The following FAM83B variants were observed in gnomAD, a reference collection of about 807,000 sequenced individuals.
FAM83B encodes the protein scaffolding CK1 anchoring protein B, also known as protein FAM83B.
FAM83B carries 26 observed loss-of-function variants against 38.8 expected under a neutral mutation model. The observed-to-expected ratio is 0.67, with a 90% confidence interval of 0.49 to 0.93. The LOEUF (loss-of-function observed/expected upper bound fraction) is 0.93, where lower values mean the gene tolerates loss of function less well. Ranked by LOEUF, FAM83B falls within the 40% of genes least tolerant of loss-of-function variation. FAM83B has a pLI of 0.00. For synonymous variants in FAM83B, 419 were observed against 423.1 expected (o/e 0.99, Z 0.12); for missense variants, 1,237 against 1,197.3 (o/e 1.03, Z -0.49).
chr6:54,916,612 G>T (rs566256396), intron 2 of FAM83B, among the ~76,000 whole-genome samples: 1 of 152,170 alleles, frequency 6.6e-6, no homozygotes, highest in South Asian at 2.1e-4. Flanking sequence ...TATATTTGAA[G>T]GCTATAAAAT....
At chr6:54,847,647 G>T (rs559636217) in intron 1 of FAM83B, among the ~76,000 whole-genome samples, 1 of 152,218 alleles carries the variant, frequency 6.6e-6, no homozygotes, top group East Asian at 1.9e-4. Flanking sequence ...CCTGTGTAAG[G>T]TTAATGGACA....
At chr6:54,913,660 A>G (rs1044700603) in intron 2 of FAM83B, among the ~76,000 whole-genome samples, 4 of 152,106 alleles carry the variant, frequency 2.6e-5, no homozygotes, top group Non-Finnish European at 5.9e-5. Context: ...AATAGAAAAA[A>G]AAACCATGAG....
intron 2 of FAM83B, among the ~76,000 whole-genome samples, chr6:54,883,792 T>A (rs1051578685): frequency 6.6e-6 from 1 of 152,168 alleles, no homozygotes; most frequent in Admixed American, 6.5e-5. Flanking sequence ...ACAGGAGTTC[T>A]TAATTTATAG....
intron 2 of FAM83B, among the ~76,000 whole-genome samples, chr6:54,897,474 A>AT (rs1362408589): frequency 1.3e-5 from 2 of 151,662 alleles, no homozygotes; most frequent in Middle Eastern, 3.4e-3. Context: ...AGGCCCTAAA[A>AT]TTTTTTTTTA....
chr6:54,883,332 G>GTTTTT (rs36040247), intron 2 of FAM83B, among the ~76,000 whole-genome samples: 2 of 90,480 alleles, frequency 2.2e-5, no homozygotes, highest in Non-Finnish European at 4.0e-5. Flanking sequence ...TTTTTTTTAA[G>GTTTTT]TTTTTTTTTT....
chr6:54,863,531 A>T (rs1382786992), intron 1 of FAM83B, among the ~76,000 whole-genome samples: 2 of 70,774 alleles, frequency 2.8e-5, no homozygotes, highest in South Asian at 8.8e-4. Flanking sequence ...CCATCTTACC[A>T]ACTATGCCGC....
intron 2 of FAM83B, among the ~76,000 whole-genome samples, chr6:54,926,142 A>T (rs1336593582): frequency 1.3e-5 from 2 of 152,170 alleles, no homozygotes; most frequent in East Asian, 3.8e-4. Flanking sequence ...ATTTCCTTTA[A>T]ATTAAAGCTA....
intron 4 of FAM83B, 131 bp from the exon 5 acceptor site, chr6:54,939,575 G>C: frequency 1.2e-6 from 1 of 863,232 alleles, no homozygotes; most frequent in Non-Finnish European, 1.7e-6. Flanking sequence ...TGTAATGACG[G>C]AAAATATTCT....
At chr6:54,910,632 T>A (rs554490128) in intron 2 of FAM83B, among the ~76,000 whole-genome samples, 1 of 152,352 alleles carries the variant, frequency 6.6e-6, no homozygotes, top group South Asian at 2.1e-4. Flanking sequence ...GTGCCAGAGT[T>A]CTGTCTCCCA....
In FAM83B at chr6:54,941,679, A is replaced by T. The variant is rs145099247; in HGVS notation, c.2708A>T (p.Asn903Ile). ...QIQYRDSREI[N>I]AVVTPERRPT... ...CAATACCGAGATTCAAGGGAGATTA[A>T]TGCAGTTGTTACCCCTGAAAGAAGA... is the stretch of plus-strand genomic sequence containing the variant. The change falls in exon 5 of 5, where the codon AAT (asparagine) becomes ATT (isoleucine). Residue 903 changes from asparagine (N) to isoleucine (I), a missense_variant. By Grantham distance (149) the Asn-to-Ile change is moderately radical (BLOSUM62 -3). Coordinates refer to ENST00000306858, the MANE Select transcript of FAM83B (RefSeq NM_001010872.3). The T allele has an allele frequency of 2.1e-5, 34 of 1,613,992 alleles. No individual in the cohort carries two copies. The highest frequency in any genetic ancestry group is 3.3e-5 in the South Asian group (3 of 91,088).
At chr6:54,935,192 T>C (rs894207915) in intron 4 of FAM83B, among the ~76,000 whole-genome samples, 1 of 152,172 alleles carries the variant, frequency 6.6e-6, no homozygotes, top group African/African-American at 2.4e-5. Context: ...CTAATGTTTT[T>C]AAGTGTTTAC....
At chr6:54,939,430 G>T (rs1289610046) in intron 4 of FAM83B, among the ~76,000 whole-genome samples, 1 of 152,040 alleles carries the variant, frequency 6.6e-6, no homozygotes, top group Non-Finnish European at 1.5e-5. Context: ...GAATTGCATT[G>T]AATCTGCAGA....
chr6:54,848,913 A>C (rs940172430), intron 1 of FAM83B, among the ~76,000 whole-genome samples: 10 of 152,160 alleles, frequency 6.6e-5, no homozygotes, highest in African/African-American at 2.4e-4. Context: ...CTAGTTAGGT[A>C]AGTTTGCACG....
Position 54,940,343 on chromosome 6 carries a change from G to A in FAM83B, c.1372G>A (p.Asp458Asn), listed in dbSNP as rs1773641876. Residue 458 changes from aspartate to asparagine, a missense_variant, in exon 5 of 5, where the codon GAC (aspartate) becomes AAC (asparagine). Physicochemically the swap from Asp to Asn is conservative, Grantham distance 23. Transcript: ENST00000306858. ...GCAGAGAAAAACAACAAATCTTGCA[G>A]ACAGGAATTCAAATGTTCGGAGGTC... ...LAQRKTTNLA[D>N]RNSNVRRSFN... The A allele has an allele frequency of 1.2e-6, 2 of 1,614,092 alleles. No homozygotes were observed. The highest frequency in any genetic ancestry group is 1.7e-6 in the Non-Finnish European group (2 of 1,180,016).
At chr6:54,874,043 A>C (rs1052605538) in intron 2 of FAM83B, among the ~76,000 whole-genome samples, 1 of 152,094 alleles carries the variant, frequency 6.6e-6, no homozygotes, top group Non-Finnish European at 1.5e-5. Flanking sequence ...AACTGTCTTT[A>C]CTGGAAAGAG....
intron 2 of FAM83B, among the ~76,000 whole-genome samples, chr6:54,879,397 C>G (rs977935965): frequency 6.6e-6 from 1 of 152,190 alleles, no homozygotes; most frequent in African/African-American, 2.4e-5. Flanking sequence ...AGCAGAACCT[C>G]CCAACACTTA....
intron 1 of FAM83B, among the ~76,000 whole-genome samples, chr6:54,857,091 CAT>C (rs1771462965): frequency 6.6e-6 from 1 of 152,116 alleles, no homozygotes; most frequent in African/African-American, 2.4e-5. Flanking sequence ...CTGTTCCTAA[CAT>C]AACTAAACAA....
In FAM83B at chr6:54,939,692, A is replaced by T. The variant is rs777108033; in HGVS notation, c.735-14A>T. On this transcript the variant is annotated splice_polypyrimidine_tract_variant and intron_variant, in intron 4 of 4. Coordinates refer to ENST00000306858, the MANE Select transcript of FAM83B (RefSeq NM_001010872.3). The stretch of plus-strand genomic sequence containing the variant: ...TCTTTTAAATGATTAAAATTTTTCC[A>T]TTTTTTTCCCCAGTTATATGTGGTC... The T allele has an allele frequency of 1.3e-6, 2 of 1,545,276 alleles. No homozygotes were observed. Among genetic ancestry groups the T allele is most frequent in the Non-Finnish European group, 1.7e-6 (2 of 1,150,584 alleles).
At chr6:54,939,396 A>G (rs932325048) in intron 4 of FAM83B, among the ~76,000 whole-genome samples, 43 of 152,132 alleles carry the variant, frequency 2.8e-4, no homozygotes, top group African/African-American at 9.4e-4. Context: ...TATTATGTGA[A>G]AAATGATGAT....
Sources: gnomAD v4.1 joint callset for allele counts (sites outside exome capture counted in the v4.1 genomes callset) on GRCh38, gnomAD v4.1.1 for gene constraint, MANE v1.5 for transcripts, NCBI Gene and HGNC (gene_info 2026-07-23, HGNC 2026-07-21) for gene names.